Variants in GSE1 observed in about 807,000 individuals in gnomAD.
GSE1 encodes the protein genetic suppressor element 1.
In GSE1, 32 loss-of-function variants were observed where a neutral mutation model predicts 112.6. The observed-to-expected ratio is 0.28, with a 90% CI of 0.21 to 0.38. The LOEUF is 0.38. GSE1 is among the 10% of genes least tolerant of loss of function. GSE1 has a pLI of 1.00. For synonymous variants in GSE1, 1,115 were observed against 735.6 expected, an observed-to-expected ratio of 1.52 and a Z score of -8.35; for missense variants, 2,348 against 1,699.2, an observed-to-expected ratio of 1.38 and a Z score of -6.71.
intron 1 of GSE1, among the ~76,000 whole-genome samples, chr16:85,217,450 G>T (rs1322313460): frequency 6.6e-6 from 1 of 152,204 alleles, no homozygotes; most frequent in East Asian, 1.9e-4. Flanking sequence ...GTATGAGAAG[G>T]TGGGAGCTGG....
upstream of GSE1, among the ~76,000 whole-genome samples, chr16:85,612,150 G>A (rs913922326): frequency 2.0e-5 from 3 of 151,832 alleles, no homozygotes; most frequent in Non-Finnish European, 4.4e-5. Flanking sequence ...CAGGGCGCCA[G>A]AAGGCGGCAG....
At chr16:85,413,063 C>A (rs1024184408) in intron 2 of GSE1, among the ~76,000 whole-genome samples, 4 of 152,206 alleles carry the variant, frequency 2.6e-5, no homozygotes, top group African/African-American at 9.7e-5. Flanking sequence ...GGAGGGGCCG[C>A]CCCACGGAGC....
intron 1 of GSE1, among the ~76,000 whole-genome samples, chr16:85,317,159 C>G (rs529977428): frequency 1.3e-5 from 2 of 152,188 alleles, no homozygotes; most frequent in African/African-American, 4.8e-5. Context: ...CTGAAGATCA[C>G]GTGGGGACAA....
chr16:85,612,197 C>T (rs1208426257), upstream of GSE1, among the ~76,000 whole-genome samples: 7 of 150,636 alleles, frequency 4.6e-5, no homozygotes, highest in Non-Finnish European at 5.9e-5. Context: ...AGGCCCGCCC[C>T]TTTAACCCCG....
chr16:85,398,145 A>G (rs2048010743), intron 2 of GSE1, among the ~76,000 whole-genome samples: 1 of 152,246 alleles, frequency 6.6e-6, no homozygotes, highest in African/African-American at 2.4e-5. Flanking sequence ...GTCTCTCAGT[A>G]CCTCAGTTTC....
intron 1 of GSE1, among the ~76,000 whole-genome samples, chr16:85,626,693 A>G (rs1167453822): frequency 2.0e-5 from 3 of 152,218 alleles, no homozygotes; most frequent in Non-Finnish European, 2.9e-5. Flanking sequence ...GCTTGTAATT[A>G]CAGAGCACAG....
intron 1 of GSE1, among the ~76,000 whole-genome samples, chr16:85,236,792 T>C (rs1308828512): frequency 6.6e-6 from 1 of 152,186 alleles, no homozygotes; most frequent in East Asian, 1.9e-4. Context: ...CTGCTGCCTG[T>C]AATACCTCTA....
At chr16:85,601,455 A>G (rs1206332663) in intron 1 of GSE1, among the ~76,000 whole-genome samples, 1 of 152,048 alleles carries the variant, frequency 6.6e-6, no homozygotes, top group Admixed American at 6.5e-5. Context: ...GACAGGCCAG[A>G]GGAAGGCCAG....
At chr16:85,446,431 C>T (rs76487841) in intron 2 of GSE1, among the ~76,000 whole-genome samples, 1,977 of 152,304 alleles carry the variant, frequency 0.013, 39 homozygotes, top group African/African-American at 0.044. Flanking sequence ...CTTGGACCAA[C>T]GCCTGGCACG....
At chr16:85,467,857 T>C (rs1303404891) in intron 2 of GSE1, among the ~76,000 whole-genome samples, 4 of 152,226 alleles carry the variant, frequency 2.6e-5, no homozygotes, top group Admixed American at 2.6e-4. Flanking sequence ...TTGATTCGTG[T>C]GAAGTGTGCT....
At chr16:85,517,969 A>G (rs2151139077) in intron 2 of GSE1, among the ~76,000 whole-genome samples, 1 of 152,242 alleles carries the variant, frequency 6.6e-6, no homozygotes, top group African/African-American at 2.4e-5. Context: ...CTCACAGAGG[A>G]TGTGTGCTTT....
intron 1 of GSE1, among the ~76,000 whole-genome samples, chr16:85,212,121 A>G (rs1239894632): frequency 1.3e-5 from 2 of 152,238 alleles, no homozygotes; most frequent in Non-Finnish European, 2.9e-5. Flanking sequence ...TAATTGGGCT[A>G]GAAGCCGGGC....
At chr16:85,360,538 T>G (rs2047044582) in intron 2 of GSE1, among the ~76,000 whole-genome samples, 1 of 152,138 alleles carries the variant, frequency 6.6e-6, no homozygotes, top group Non-Finnish European at 1.5e-5. Context: ...TGACAGTGAC[T>G]AATGGTTTAT....
chr16:85,348,631 C>A (rs1391823032), intron 1 of GSE1, among the ~76,000 whole-genome samples: 1 of 152,204 alleles, frequency 6.6e-6, no homozygotes, highest in Non-Finnish European at 1.5e-5. Flanking sequence ...GCTGGACAAC[C>A]TCTGCCCACT....
At chr16:85,186,778 A>G (rs1331643495) in intron 1 of GSE1, among the ~76,000 whole-genome samples, 1 of 152,164 alleles carries the variant, frequency 6.6e-6, no homozygotes, top group South Asian at 2.1e-4. Flanking sequence ...ACAACAAAAG[A>G]CAAAAAAATC....
intron 9 of GSE1, 167 bp from the exon 10 acceptor site, chr16:85,662,814 G>A: frequency 3.3e-6 from 2 of 603,416 alleles, no homozygotes; most frequent in Middle Eastern, 3.3e-4. Context: ...CCCCAGGACT[G>A]GGTTAATGTT....
At chr16:85,255,791 C>A (rs984358625) in intron 1 of GSE1, among the ~76,000 whole-genome samples, 4 of 152,004 alleles carry the variant, frequency 2.6e-5, no homozygotes, top group Non-Finnish European at 5.9e-5. Context: ...TGCGCTCAAG[C>A]CATCCTCCCA....
intron 2 of GSE1, among the ~76,000 whole-genome samples, chr16:85,397,220 CTT>C (rs1218604739): frequency 6.6e-6 from 1 of 152,218 alleles, no homozygotes; most frequent in Admixed American, 6.5e-5. Flanking sequence ...AAAGCAGACA[CTT>C]TTCTCCCCTT....
intron 2 of GSE1, among the ~76,000 whole-genome samples, chr16:85,417,750 G>A (rs538718518): frequency 2.6e-5 from 4 of 152,376 alleles, no homozygotes; most frequent in East Asian, 3.9e-4. Context: ...ATCAGCATCC[G>A]TCGCAGGACG....
Sources: gnomAD v4.1 joint callset for allele counts (sites outside exome capture counted in the v4.1 genomes callset) on GRCh38, gnomAD v4.1.1 for gene constraint, MANE v1.5 for transcripts, NCBI Gene and HGNC (gene_info 2026-07-23, HGNC 2026-07-21) for gene names.